Variants in ANKFN1 observed in about 807,000 individuals in gnomAD.
ANKFN1 encodes ankyrin repeat and fibronectin type III domain containing 1.
In ANKFN1, 74 loss-of-function variants were observed where a neutral mutation model predicts 108.7. That is an observed-to-expected ratio of 0.68 (90% CI 0.56 to 0.83). ANKFN1 has a LOEUF of 0.83. Among genes scored for constraint, ANKFN1 ranks in the 40% least tolerant of loss-of-function variants. The pLI, the probability that ANKFN1 is intolerant of heterozygous loss-of-function variation, is 0.00. For synonymous variants in ANKFN1, 547 were observed against 516.2 expected, an observed-to-expected ratio of 1.06 and a Z score of -0.81; for missense variants, 1,505 against 1,382.3, an observed-to-expected ratio of 1.09 and a Z score of -1.41.
intron 3 of ANKFN1, among the ~76,000 whole-genome samples, chr17:56,279,331 T>C (rs2044012242): frequency 6.6e-6 from 1 of 152,242 alleles, no homozygotes; most frequent in African/African-American, 2.4e-5. Flanking sequence ...ATGTTCTTTT[T>C]TCTTGTGATG....
chr17:56,226,358 T>C (rs1916268671), intron 2 of ANKFN1, among the ~76,000 whole-genome samples: 1 of 152,204 alleles, frequency 6.6e-6, no homozygotes, highest in Non-Finnish European at 1.5e-5. Context: ...ATTATCTGTA[T>C]TATTTATGGG....
At position 56,511,010 on chromosome 17, in the gene ANKFN1, C is replaced by A. The variant is rs756119774; in HGVS notation, c.3182C>A (p.Pro1061His). 7.2e-6 allele frequency: 11 copies of A among 1,535,890 alleles called. No homozygotes were observed. In the South Asian group the frequency reaches 9.5e-5, roughly 13 times the overall value. ...AKRAGPALDD[P>H]RGLTLAHAAS... ...CGGGCCGGCCCTGCCCTTGATGATC[C>A]CAGGGGCCTAACTCTGGCCCACGCT... Residue 1061 changes from proline to histidine, a missense_variant, in exon 21 of 21, where the codon CCC (proline) becomes CAC (histidine). Transcript: ENST00000682825.
At chr17:56,508,695 TA>T (rs1312227633) in intron 20 of ANKFN1, among the ~76,000 whole-genome samples, 1 of 152,226 alleles carries the variant, frequency 6.6e-6, no homozygotes, top group Non-Finnish European at 1.5e-5. Flanking sequence ...CCTGTCCCGA[TA>T]AAATATAATC....
intron 15 of ANKFN1, among the ~76,000 whole-genome samples, chr17:56,469,455 C>A (rs2050241483): frequency 1.3e-5 from 2 of 152,134 alleles, no homozygotes; most frequent in Admixed American, 1.3e-4. Flanking sequence ...AGGCCACAGA[C>A]CACTCTCTTT....
chr17:56,065,124 T>C (rs1447429532), intron 4 of ANKFN1, among the ~76,000 whole-genome samples: 1 of 152,204 alleles, frequency 6.6e-6, no homozygotes, highest in Non-Finnish European at 1.5e-5. Flanking sequence ...TTCTTTTCAA[T>C]GGGAGCCTCA....
Position 56,492,358 on chromosome 17 carries a change from T to C in ANKFN1, c.2427+5T>C, listed in dbSNP as rs1340094920. 2.9e-6 allele frequency: 2 copies of C among 700,708 alleles called. No individual in the cohort carries two copies. The highest frequency in any genetic ancestry group is 2.7e-5 in the East Asian group (1 of 37,220). The allele number at this position is 700,708 out of a possible 1,614,324, so 43.4% of individuals were successfully genotyped here. ...CAAGTTTTAGATTTCATTCAGGTAA[T>C]TGTTTGTTCCTTCTGGGGTAAAAGG... is the stretch of plus-strand genomic sequence containing the variant. On this transcript the variant is annotated splice_donor_5th_base_variant and intron_variant, in intron 19 of 20. Transcript: ENST00000682825.
chr17:56,141,909 A>G (rs1220145063), intron 4 of ANKFN1, among the ~76,000 whole-genome samples: 1 of 150,904 alleles, frequency 6.6e-6, no homozygotes, highest in African/African-American at 2.4e-5. Flanking sequence ...CCTCTTTTTC[A>G]TAACGATGGT....
chr17:56,308,857 T>C (rs889152034), intron 3 of ANKFN1, among the ~76,000 whole-genome samples: 3 of 152,226 alleles, frequency 2.0e-5, no homozygotes, highest in Admixed American at 1.3e-4. Flanking sequence ...TCTGTTAATA[T>C]GGTGAATTAC....
chr17:56,105,255 G>A (rs1905722899), intron 4 of ANKFN1, among the ~76,000 whole-genome samples: 1 of 152,144 alleles, frequency 6.6e-6, no homozygotes, highest in African/African-American at 2.4e-5. Context: ...GGATTGATGA[G>A]TGACTGGTTC....
At chr17:56,265,568 G>C (rs1567872759) in intron 3 of ANKFN1, among the ~76,000 whole-genome samples, 1 of 152,062 alleles carries the variant, frequency 6.6e-6, no homozygotes, top group Non-Finnish European at 1.5e-5. Context: ...TAGAGATTTC[G>C]GGAGCCTGAA....
intron 3 of ANKFN1, among the ~76,000 whole-genome samples, chr17:56,288,096 A>G (rs1280228114): frequency 6.6e-6 from 1 of 151,668 alleles, no homozygotes; most frequent in Non-Finnish European, 1.5e-5. Context: ...CAATTTCCTA[A>G]TTTTTCCACA....
At chr17:56,319,099 G>A (rs2045290596) in intron 3 of ANKFN1, among the ~76,000 whole-genome samples, 1 of 152,142 alleles carries the variant, frequency 6.6e-6, no homozygotes, top group Non-Finnish European at 1.5e-5. Context: ...AGGAAGAAGA[G>A]GAGGAGGGGT....
rs576340294 is a variant in ANKFN1 at position 56,164,260 on chromosome 17, A to C, written c.-71+10730A>C. On this transcript the variant is annotated intron_variant, in intron 1 of 20. Transcript: ENST00000682825. ...CTCTACACCTAGATGACTTCTACTC[A>C]TGTGTTACATTTCAGCCTAGATGCC... is the stretch of plus-strand genomic sequence containing the variant. 1.8e-4 allele frequency among the ~76,000 whole-genome samples: 27 copies of C among 152,188 alleles called. No individual in the cohort carries two copies. The East Asian group carries it at 5.2e-3, about 29-fold the overall frequency.
intron 18 of ANKFN1, 56 bp downstream of exon 18, chr17:56,482,580 AC>A: frequency 6.3e-7 from 1 of 1,576,120 alleles, no homozygotes; most frequent in Non-Finnish European, 8.6e-7. Context: ...TAATAAAATC[AC>A]AAAGTTATAT....
intron 13 of ANKFN1, 100 bp from the exon 14 acceptor site, chr17:56,457,763 A>G (rs2049759207): frequency 3.5e-6 from 3 of 854,188 alleles, no homozygotes; most frequent in Admixed American, 1.9e-5. Flanking sequence ...GAGAATAAAC[A>G]TCAGGGGTCA....
chr17:56,393,985 A>T (rs1282229860), intron 8 of ANKFN1, among the ~76,000 whole-genome samples: 6 of 152,236 alleles, frequency 3.9e-5, no homozygotes, highest in Non-Finnish European at 8.8e-5. Flanking sequence ...CAAGCCTCTG[A>T]GTATGCAGCA....
chr17:56,361,405 T>C (rs2046513347), intron 6 of ANKFN1, among the ~76,000 whole-genome samples: 1 of 152,094 alleles, frequency 6.6e-6, no homozygotes, highest in Non-Finnish European at 1.5e-5. Context: ...ACAATAGAAT[T>C]GTTTGGGGAG....
intron 8 of ANKFN1, among the ~76,000 whole-genome samples, chr17:56,382,059 G>A (rs567227914): frequency 6.6e-6 from 1 of 152,108 alleles, no homozygotes; most frequent in Non-Finnish European, 1.5e-5. Context: ...ACCCACAAAG[G>A]GAAGCCCATC....
At chr17:56,388,627 T>A (rs1431388328) in intron 8 of ANKFN1, among the ~76,000 whole-genome samples, 3 of 152,224 alleles carry the variant, frequency 2.0e-5, no homozygotes, top group Admixed American at 6.5e-5. Flanking sequence ...TATGATTATA[T>A]TTCCTTTTCC....
Sources: allele counts gnomAD v4.1 joint callset (sites outside exome capture counted in the v4.1 genomes callset), GRCh38; gene constraint gnomAD v4.1.1; transcripts MANE v1.5; gene names NCBI Gene and HGNC (gene_info 2026-07-23, HGNC 2026-07-21).